Variants in SLIT2 observed in about 807,000 individuals in gnomAD.
The protein encoded by SLIT2 is slit guidance ligand 2, also known as slit homolog 2 protein.
A neutral mutation model predicts 185.7 loss-of-function variants in SLIT2; 41 were observed. The observed-to-expected ratio is 0.22, with a 90% CI of 0.17 to 0.29. The LOEUF is 0.29. Among genes scored for constraint, SLIT2 ranks in the 10% least tolerant of loss-of-function variants. The probability of loss-of-function intolerance (pLI) is 1.00; values close to 1 mark genes in which losing one functional copy is unlikely to be tolerated. For synonymous variants in SLIT2, 693 were observed against 680.2 expected, an observed-to-expected ratio of 1.02 and a Z score of -0.29; for missense variants, 1,571 against 1,909.0, an observed-to-expected ratio of 0.82 and a Z score of 3.30.
chr4:20,274,062 T>C (rs1423715706), intron 4 of SLIT2, among the ~76,000 whole-genome samples: 3 of 152,180 alleles, frequency 2.0e-5, no homozygotes, highest in Admixed American at 2.0e-4. Flanking sequence ...GAGCTTCATG[T>C]GCTAAGGGTG....
At chr4:20,476,146 CTA>C (rs1716083600) in intron 5 of SLIT2, among the ~76,000 whole-genome samples, 1 of 151,996 alleles carries the variant, frequency 6.6e-6, no homozygotes, top group South Asian at 2.1e-4. Flanking sequence ...TTCTTATACT[CTA>C]TATCATAATT....
In SLIT2 at chr4:20,251,936, A is replaced by G. The variant is rs575373173; in HGVS notation, c.-1880A>G. On this transcript the variant is annotated 5_prime_UTR_variant, in exon 1 of 37. Coordinates refer to ENST00000504154, the MANE Select transcript of SLIT2 (RefSeq NM_004787.4). ...TGTTATTTATTTGGGAAGCGCCCGGACGGCGGAGCTTGGCGGCGGCGGTGG... is the reference window on the plus strand; with the variant it reads ...TGTTATTTATTTGGGAAGCGCCCGGGCGGCGGAGCTTGGCGGCGGCGGTGG... Among the ~76,000 whole-genome samples the G allele has an allele frequency of 6.6e-6, 1 of 152,028 alleles. No individual in the cohort carries two copies. The highest frequency in any genetic ancestry group is 2.4e-5 in the African/African-American group (1 of 41,404).
chr4:20,431,076 G>A (rs1371329637), intron 4 of SLIT2, among the ~76,000 whole-genome samples: 1 of 150,996 alleles, frequency 6.6e-6, no homozygotes, highest in African/African-American at 2.4e-5. Context: ...CCGATCTAAG[G>A]AATCTACACT....
chr4:20,279,601 C>T (rs1714522458), intron 4 of SLIT2, among the ~76,000 whole-genome samples: 1 of 152,158 alleles, frequency 6.6e-6, no homozygotes. Flanking sequence ...TTGGGAATAT[C>T]ACTCAATTAC....
chr4:20,340,641 C>T (rs1273494798), intron 4 of SLIT2, among the ~76,000 whole-genome samples: 2 of 152,122 alleles, frequency 1.3e-5, no homozygotes, highest in African/African-American at 2.4e-5. Flanking sequence ...CGCTCTGTCC[C>T]CCGGGCTGGA....
At chr4:20,538,144 T>C (rs1722469276) in intron 18 of SLIT2, among the ~76,000 whole-genome samples, 1 of 152,108 alleles carries the variant, frequency 6.6e-6, no homozygotes, top group African/African-American at 2.4e-5. Flanking sequence ...GTATTTTTAG[T>C]AGAGACCAGG....
intron 4 of SLIT2, among the ~76,000 whole-genome samples, chr4:20,272,561 G>A (rs931891732): frequency 1.8e-4 from 27 of 152,174 alleles, no homozygotes; most frequent in African/African-American, 5.8e-4. Context: ...ATGAGTTTGC[G>A]ACTACTAATC....
chr4:20,374,613 A>G (rs939762275), intron 4 of SLIT2, among the ~76,000 whole-genome samples: 7 of 150,860 alleles, frequency 4.6e-5, no homozygotes, highest in Non-Finnish European at 8.9e-5. Context: ...CCTTCTCCCA[A>G]TTTTTCCAAT....
At chr4:20,581,573 A>G (rs150532547) in intron 29 of SLIT2, among the ~76,000 whole-genome samples, 1,602 of 152,132 alleles carry the variant, frequency 0.011, 25 homozygotes, top group African/African-American at 0.037. Flanking sequence ...TCTTTCCCCC[A>G]TGCTTATTCA....
intron 4 of SLIT2, among the ~76,000 whole-genome samples, chr4:20,354,436 T>G (rs539665293): frequency 1.3e-5 from 2 of 152,296 alleles, no homozygotes; most frequent in South Asian, 2.1e-4. Context: ...TTGACAGTCC[T>G]AATCTGGGTC....
intron 4 of SLIT2, among the ~76,000 whole-genome samples, chr4:20,387,881 A>G (rs1408259022): frequency 1.3e-5 from 2 of 152,140 alleles, no homozygotes; most frequent in African/African-American, 2.4e-5. Context: ...CCCTGGATCT[A>G]CAGGGTTGTA....
Position 20,253,754 on chromosome 4 carries a change from C to T in SLIT2, c.-62C>T. The stretch of plus-strand genomic sequence containing the variant: ...CTGGGCCTCAGACACTGCGCGGTTC[C>T]CTCGGAGCAGCAAGCTAAAGAAAGC... On this transcript the variant is annotated 5_prime_UTR_variant, in exon 1 of 37. Transcript: ENST00000504154. The T allele has an allele frequency of 6.4e-7, 1 of 1,574,140 alleles. No homozygotes were observed.
chr4:20,439,694 A>C (rs1393193436), intron 4 of SLIT2, among the ~76,000 whole-genome samples: 1 of 152,218 alleles, frequency 6.6e-6, no homozygotes, highest in African/African-American at 2.4e-5. Flanking sequence ...AATTCCATTT[A>C]TCATAGCCAT....
At chr4:20,536,250 A>G (rs1722270062) in intron 18 of SLIT2, among the ~76,000 whole-genome samples, 1 of 152,136 alleles carries the variant, frequency 6.6e-6, no homozygotes, top group Non-Finnish European at 1.5e-5. Context: ...GTACACTAAC[A>G]TAGGCTTTAT....
chr4:20,366,602 C>T (rs554145347), intron 4 of SLIT2, among the ~76,000 whole-genome samples: 21 of 152,102 alleles, frequency 1.4e-4, no homozygotes, highest in Middle Eastern at 3.4e-3. Context: ...CTCCTTTTAC[C>T]TGTCATCATT....
chr4:20,456,054 C>T (rs544162179), intron 4 of SLIT2, among the ~76,000 whole-genome samples: 3 of 152,112 alleles, frequency 2.0e-5, no homozygotes, highest in East Asian at 3.9e-4. Context: ...GTATATACAT[C>T]GACATGAAAA....
Position 20,472,278 on chromosome 4 carries a change from A to ATATATAGATC in SLIT2, c.467+4461_467+4462insGATCTATATA, listed in dbSNP as rs1553908292. 3.8e-3 allele frequency among the ~76,000 whole-genome samples: 126 copies of ATATATAGATC among 32,772 alleles called. 6 individuals carry two copies. Among genetic ancestry groups the ATATATAGATC allele is most frequent in the East Asian group, 0.026 (14 of 542 alleles). The allele number at this position is 32,772 out of a possible 152,430, so 21.5% of individuals were successfully genotyped here. A position where few individuals can be genotyped will look rare whatever the true frequency, so the allele number is the denominator to read the frequency against. ...TAGATCTATATATAGATATATATCT[A>ATATATAGATC]TATATATAGATATATAGATATATAG... On this transcript the variant is annotated intron_variant, in intron 5 of 36. Coordinates refer to ENST00000504154, the MANE Select transcript of SLIT2 (RefSeq NM_004787.4).
At chr4:20,474,264 A>G (rs1410364996) in intron 5 of SLIT2, among the ~76,000 whole-genome samples, 2 of 152,054 alleles carry the variant, frequency 1.3e-5, no homozygotes, top group African/African-American at 4.8e-5. Context: ...GCATTCATAT[A>G]TATAAAAAAA....
At chr4:20,354,810 A>G (rs1368781585) in intron 4 of SLIT2, among the ~76,000 whole-genome samples, 1 of 151,870 alleles carries the variant, frequency 6.6e-6, no homozygotes, top group Non-Finnish European at 1.5e-5. Context: ...GCAATATGAT[A>G]ACAGAATTAA....
Sources: gnomAD v4.1 joint callset for allele counts (sites outside exome capture counted in the v4.1 genomes callset) on GRCh38, gnomAD v4.1.1 for gene constraint, MANE v1.5 for transcripts, NCBI Gene and HGNC (gene_info 2026-07-23, HGNC 2026-07-21) for gene names.